The following TRMT5 variants were observed in gnomAD, a reference collection of about 807,000 sequenced individuals.
TRMT5 encodes the protein tRNA methyltransferase 5.
In TRMT5, 31 loss-of-function variants were observed where a neutral mutation model predicts 42.2. The ratio of observed to expected loss-of-function variants is 0.73; its 90% CI spans 0.55 to 0.99. TRMT5 has a LOEUF of 0.99. Ranked by LOEUF, TRMT5 falls within the 50% of genes least tolerant of loss-of-function variation. The pLI, the probability that TRMT5 is intolerant of heterozygous loss-of-function variation, is 0.00. For synonymous variants in TRMT5, 198 were observed against 209.6 expected (o/e 0.94, Z 0.48); for missense variants, 568 against 595.0 (o/e 0.95, Z 0.47).
upstream of TRMT5, chr14:60,981,164 A>G: frequency 6.5e-7 from 1 of 1,537,328 alleles, no homozygotes; most frequent in Non-Finnish European, 8.8e-7. Flanking sequence ...CTGGTGAAGT[A>G]CGGAATGCCG....
intron 3 of TRMT5, among the ~76,000 whole-genome samples, chr14:60,976,709 A>G (rs2036853124): frequency 6.6e-6 from 1 of 152,352 alleles, no homozygotes. Context: ...TCTATAAATT[A>G]GAGCCAGTGT....
Position 60,975,158 on chromosome 14 carries a change from G to T in TRMT5, c.1481C>A (p.Thr494Lys), listed in dbSNP as rs114570574. The change falls in exon 5 of 5, where the codon ACG (threonine) becomes AAG (lysine). Residue 494 changes from threonine (T) to lysine (K), a missense_variant. Physicochemically the swap from Thr to Lys is moderately conservative, Grantham distance 78 (BLOSUM62 -1). Transcript: ENST00000261249. ...TTTTTCGTCTGAAAAGGCTTCAGCC[G>T]TCCTCTGCCTTTTAAGAGGTGGATC... ...HEDPPLKRQR[T>K]AEAFSDEKTQ... The T allele has an allele frequency of 3.1e-6, 5 of 1,607,124 alleles. No individual in the cohort carries two copies. In the Middle Eastern group the frequency reaches 6.8e-4, roughly 220 times the overall value.
chr14:60,981,643 C>A, upstream of TRMT5: 6 of 1,442,218 alleles, frequency 4.2e-6, no homozygotes, highest in Non-Finnish European at 5.5e-6. Context: ...GTGGAAGCTG[C>A]GAACATGATG....
chr14:60,976,803 G>A (rs2139641939), intron 3 of TRMT5, among the ~76,000 whole-genome samples: 1 of 152,178 alleles, frequency 6.6e-6, no homozygotes, highest in Non-Finnish European at 1.5e-5. Flanking sequence ...GCTAATTCTT[G>A]AACAAAAGAC....
rs957576604 is a variant in TRMT5, at chr14:60,972,522, G to A, written c.*2587C>T. The stretch of plus-strand genomic sequence containing the variant: ...CCGGGTGTGGGACGCAGCAGCGCGC[G>A]GGCTTTGGTCGGTCCAGGGGTCGTT... On this transcript the variant is annotated 3_prime_UTR_variant, in exon 5 of 5. Coordinates refer to ENST00000261249, the MANE Select transcript of TRMT5 (RefSeq NM_020810.3). 35 of 448,258 alleles carry A rather than the reference G, an allele frequency of 7.8e-5. No homozygotes were observed. Among genetic ancestry groups the A allele is most frequent in the Non-Finnish European group, 1.1e-4 (24 of 226,570 alleles). 27.8% of individuals were successfully genotyped at this position (448,258 alleles called of 1,614,324 possible). A position where few individuals can be genotyped will look rare whatever the true frequency, so the allele number is the denominator to read the frequency against.
In TRMT5 at chr14:60,979,738, T is replaced by C. The variant is rs1327303172; in HGVS notation, c.160A>G (p.Arg54Gly). 1 of 1,614,162 alleles carries C rather than the reference T, an allele frequency of 6.2e-7. No homozygotes were observed. The highest frequency in any genetic ancestry group is 8.5e-7 in the Non-Finnish European group (1 of 1,180,024). Residue 54 changes from arginine (R) to glycine (G), a missense_variant, in exon 2 of 5, where the codon AGA becomes GGA. Transcript: ENST00000261249. ...EAPGIFLLGQ[R>G]KRFSTMPETE... ...TCTGGCATGGTTGAGAATCTTTTTC[T>C]TTGACCCAATAAGAAAATACCAGGT...
rs1474228016 is a variant in TRMT5 at position 60,974,570 on chromosome 14, T to C, written c.*539A>G. 1 of 152,234 alleles carries C rather than the reference T, an allele frequency of 6.6e-6. No homozygotes were observed. The highest frequency in any genetic ancestry group is 1.9e-4 in the East Asian group (1 of 5,202). The allele number at this position is 152,234 out of a possible 1,614,324, so 9.4% of individuals were successfully genotyped here. ...GATACATAATAGATGTCATAAAATT[T>C]TCACGTCACAAAATGTTCTTTTGAT... On this transcript the variant is annotated 3_prime_UTR_variant, in exon 5 of 5. Transcript: ENST00000261249.
In TRMT5 at chr14:60,973,859, T is replaced by G. The variant is rs1449921813; in HGVS notation, c.*1250A>C. 6.6e-6 allele frequency: 1 copy of G among 152,254 alleles called. No homozygotes were observed. Among genetic ancestry groups the G allele is most frequent in the African/African-American group, 2.4e-5 (1 of 41,468 alleles). 9.4% of individuals were successfully genotyped at this position (152,254 alleles called of 1,614,324 possible). A position where few individuals can be genotyped will look rare whatever the true frequency, so the allele number is the denominator to read the frequency against. ...CCATCAATAAATGGCTTTGCTTGGCTAACAAATGATTGACTTAGAGACTTA... is the reference window on the plus strand; with the variant it reads ...CCATCAATAAATGGCTTTGCTTGGCGAACAAATGATTGACTTAGAGACTTA... On this transcript the variant is annotated 3_prime_UTR_variant, in exon 5 of 5. Coordinates refer to ENST00000261249, the MANE Select transcript of TRMT5 (RefSeq NM_020810.3).
intron 2 of TRMT5, among the ~76,000 whole-genome samples, chr14:60,978,285 T>C (rs544793480): frequency 2.0e-5 from 3 of 152,364 alleles, no homozygotes; most frequent in African/African-American, 4.8e-5. Flanking sequence ...AAAATCTATA[T>C]GCTATCTCAT....
rs762228469 is a variant in TRMT5 at position 60,975,072 on chromosome 14, T to TA, written c.*36_*37insT. ...ATAATACAAATTCTATTTCACTACA[T>TA]GTAAGTCTGGTAGGGAGATGGAGAA... On this transcript the variant is annotated 3_prime_UTR_variant, in exon 5 of 5. Coordinates refer to ENST00000261249, the MANE Select transcript of TRMT5 (RefSeq NM_020810.3). 1.3e-6 allele frequency: 2 copies of TA among 1,504,038 alleles called. No homozygotes were observed. Among genetic ancestry groups the TA allele is most frequent in the Non-Finnish European group, 9.1e-7 (1 of 1,095,974 alleles). 93.2% of individuals were successfully genotyped at this position (1,504,038 alleles called of 1,614,324 possible).
In TRMT5 at chr14:60,972,461, G is replaced by C. The variant is rs946157335; in HGVS notation, c.*2648C>G. 2.0e-6 allele frequency: 1 copy of C among 511,286 alleles called. No homozygotes were observed. The highest frequency in any genetic ancestry group is 3.9e-6 in the Non-Finnish European group (1 of 256,568). 31.7% of individuals were successfully genotyped at this position (511,286 alleles called of 1,614,324 possible). On this transcript the variant is annotated 3_prime_UTR_variant, in exon 5 of 5. Coordinates refer to ENST00000261249, the MANE Select transcript of TRMT5 (RefSeq NM_020810.3). ...TAGCATCCCCTTCAGTCTTTCTCTT[G>C]GGCATGGCGGCGGCGGCGGCGGCGG...
intron 4 of TRMT5, 139 bp from the exon 5 acceptor site, chr14:60,975,333 G>T: frequency 7.7e-7 from 1 of 1,305,064 alleles, no homozygotes; most frequent in Non-Finnish European, 1.1e-6. Context: ...CTATTTTAAT[G>T]AAATAGCCTT....
Position 60,979,782 on chromosome 14 carries a change from G to A in TRMT5, c.116C>T (p.Thr39Ile). The A allele has an allele frequency of 6.2e-7, 1 of 1,613,710 alleles. No homozygotes were observed. The highest frequency in any genetic ancestry group is 1.1e-5 in the South Asian group (1 of 91,070). ...SLIPVAWTSL[T>I]QMLLEAPGIF... is the part of the protein sequence containing the mutation. ...ACCAGGTGCTTCCAAAAGCATCTGTGTCAGGGATGTCCAAGCTACTGGAAT... is the reference window on the plus strand; with the variant it reads ...ACCAGGTGCTTCCAAAAGCATCTGTATCAGGGATGTCCAAGCTACTGGAAT... The change falls in exon 2 of 5, where the codon ACA becomes ATA. Residue 39 changes from threonine to isoleucine, a missense_variant. Physicochemically the swap from Thr to Ile is moderately conservative, Grantham distance 89. Transcript: ENST00000261249.
intron 1 of TRMT5, among the ~76,000 whole-genome samples, chr14:60,980,130 C>T (rs2036926193): frequency 6.6e-6 from 1 of 152,098 alleles, no homozygotes; most frequent in Non-Finnish European, 1.5e-5. Flanking sequence ...CTTAGTGATC[C>T]ATTAGCCATA....
At position 60,972,473 on chromosome 14, in the gene TRMT5, G is replaced by A. The variant is rs1391334971; in HGVS notation, c.*2636C>T. The A allele has an allele frequency of 4.1e-6, 2 of 488,056 alleles. No individual in the cohort carries two copies. Among genetic ancestry groups the A allele is most frequent in the South Asian group, 3.0e-5 (2 of 67,128 alleles). The allele number at this position is 488,056 out of a possible 1,614,324, so 30.2% of individuals were successfully genotyped here. On this transcript the variant is annotated 3_prime_UTR_variant, in exon 5 of 5. Coordinates refer to ENST00000261249, the MANE Select transcript of TRMT5 (RefSeq NM_020810.3). ...CAGTCTTTCTCTTGGGCATGGCGGCGGCGGCGGCGGCGGGATGTGGGCACC... is the reference window on the plus strand; with the variant it reads ...CAGTCTTTCTCTTGGGCATGGCGGCAGCGGCGGCGGCGGGATGTGGGCACC...
chr14:60,974,954 T>A lies in TRMT5; in HGVS notation c.*155A>T. 1 of 448,934 alleles carries A rather than the reference T, an allele frequency of 2.2e-6. No homozygotes were observed. The highest frequency in any genetic ancestry group is 4.0e-6 in the Non-Finnish European group (1 of 250,564). 27.8% of individuals were successfully genotyped at this position (448,934 alleles called of 1,614,324 possible). A position where few individuals can be genotyped will look rare whatever the true frequency, so the allele number is the denominator to read the frequency against. ...CAGGGAATGTATTTGGTAGCCTTAG[T>A]TCAGTTAAAGTTTAATTGGTAATCC... On this transcript the variant is annotated 3_prime_UTR_variant, in exon 5 of 5. Transcript: ENST00000261249.
upstream of TRMT5, chr14:60,981,260 A>G: frequency 6.3e-7 from 1 of 1,585,466 alleles, no homozygotes; most frequent in Non-Finnish European, 8.6e-7. Flanking sequence ...TGGAACTGGT[A>G]GTCAGCTGGA....
chr14:60,979,338 C>G lies in TRMT5; in HGVS notation c.560G>C (p.Arg187Thr), dbSNP rs760817948. The change falls in exon 2 of 5, where the codon AGA becomes ACA. Residue 187 changes from arginine to threonine, a missense_variant. Transcript: ENST00000261249. Reference protein sequence around the residue: ...YEHFKSEEILRAVLPEGQDVT... With the variant: ...YEHFKSEEILTAVLPEGQDVT... ...ATCTTGACCTTCAGGAAGCACAGCT[C>G]TCAAGATTTCTTCTGACTTAAAGTG... 6.2e-7 allele frequency: 1 copy of G among 1,613,982 alleles called. No homozygotes were observed. The highest frequency in any genetic ancestry group is 8.5e-7 in the Non-Finnish European group (1 of 1,179,998).
At position 60,976,260 on chromosome 14, in the gene TRMT5, G is replaced by A. The variant is rs77818501; in HGVS notation, c.793-134C>T. The A allele has an allele frequency of 6.8e-4, 696 of 1,028,524 alleles. 3 individuals carry two copies. In the African/African-American group the frequency reaches 0.01, roughly 15 times the overall value. The allele number at this position is 1,028,524 out of a possible 1,614,324, so 63.7% of individuals were successfully genotyped here. On this transcript the variant is annotated intron_variant, in intron 3 of 4. Coordinates refer to ENST00000261249, the MANE Select transcript of TRMT5 (RefSeq NM_020810.3). ...TTACTACTGTAAGAGCCAAACAACA[G>A]TGCATTTAAAGGCATTTTAATTAGA...
Sources: allele counts gnomAD v4.1 joint callset (sites outside exome capture counted in the v4.1 genomes callset), GRCh38; gene constraint gnomAD v4.1.1; transcripts MANE v1.5; gene names NCBI Gene and HGNC (gene_info 2026-07-23, HGNC 2026-07-21).